The following SFMBT2 variants were observed in gnomAD, a reference collection of about 807,000 sequenced individuals.
SFMBT2 encodes the protein Scm like with four mbt domains 2.
A neutral mutation model predicts 110.1 loss-of-function variants in SFMBT2; 38 were observed. The observed-to-expected ratio is 0.35, with a 90% confidence interval of 0.27 to 0.45. The LOEUF is 0.45. Ranked by LOEUF, SFMBT2 falls within the 20% of genes least tolerant of loss-of-function variation. The pLI is 1.00. For synonymous variants in SFMBT2, 425 were observed against 425.4 expected (o/e 1.00, Z 0.01); for missense variants, 1,011 against 1,094.9 (o/e 0.92, Z 1.08).
At chr10:7,246,742 A>G (rs1389270314) in intron 8 of SFMBT2, among the ~76,000 whole-genome samples, 1 of 130,320 alleles carries the variant, frequency 7.7e-6, no homozygotes, top group African/African-American at 2.7e-5. Context: ...AAAAAAAAAG[A>G]ATGGTGAGAG....
chr10:7,372,776 C>T (rs1012909579), intron 2 of SFMBT2, among the ~76,000 whole-genome samples: 1 of 152,220 alleles, frequency 6.6e-6, no homozygotes, highest in Non-Finnish European at 1.5e-5. Flanking sequence ...TATTGCTCTG[C>T]CCCAACGTCC....
chr10:7,297,851 C>G (rs1842447270), intron 4 of SFMBT2, among the ~76,000 whole-genome samples: 1 of 152,290 alleles, frequency 6.6e-6, no homozygotes, highest in South Asian at 2.1e-4. Flanking sequence ...AATGTGGCCT[C>G]GACACCTGTA....
chr10:7,206,308 G>C (rs1033261151), intron 11 of SFMBT2: 1 of 985,280 alleles, frequency 1.0e-6, no homozygotes, highest in Admixed American at 6.1e-5. Context: ...TGGGGTTAAG[G>C]GAATGTATCG....
chr10:7,350,100 G>A (rs572350769), intron 4 of SFMBT2, among the ~76,000 whole-genome samples: 238 of 152,032 alleles, frequency 1.6e-3, no homozygotes, highest in Middle Eastern at 0.014. Context: ...TCTTCCCATC[G>A]TGTTCGTGGC....
At chr10:7,247,996 G>A (rs777292831) in intron 8 of SFMBT2, among the ~76,000 whole-genome samples, 2 of 152,124 alleles carry the variant, frequency 1.3e-5, no homozygotes, top group South Asian at 2.1e-4. Flanking sequence ...TTATAGATAT[G>A]AGCCACCATG....
At chr10:7,321,647 C>T (rs11255078) in intron 4 of SFMBT2, among the ~76,000 whole-genome samples, 90 of 152,228 alleles carry the variant, frequency 5.9e-4, no homozygotes, top group African/African-American at 2.0e-3. Flanking sequence ...TTCTTTAACA[C>T]GAGAGTTTGT....
At chr10:7,357,403 G>A (rs1382791297) in intron 4 of SFMBT2, among the ~76,000 whole-genome samples, 1 of 152,106 alleles carries the variant, frequency 6.6e-6, no homozygotes, top group Non-Finnish European at 1.5e-5. Context: ...TCAGTCGAAG[G>A]CCCAAATAGA....
At chr10:7,399,384 C>T (rs1257799929) in intron 1 of SFMBT2, among the ~76,000 whole-genome samples, 4 of 152,178 alleles carry the variant, frequency 2.6e-5, no homozygotes, top group African/African-American at 9.7e-5. Flanking sequence ...AGGCGCCCAC[C>T]ACTATGCCCA....
Position 7,193,126 on chromosome 10 carries a change from G to A in SFMBT2, c.1699-4393C>T, listed in dbSNP as rs570558037. ...TTTCTATAGAAGGTTACAGCTCATC[G>A]ATTTCCTTTCTATAAACGTTCCTCT... On this transcript the variant is annotated intron_variant, in intron 15 of 20. Transcript: ENST00000397167. 2.8e-3 allele frequency among the ~76,000 whole-genome samples: 429 copies of A among 152,262 alleles called. 3 individuals are homozygous for A. Among genetic ancestry groups the A allele is most frequent in the South Asian group, 0.021 (101 of 4,818 alleles).
chr10:7,250,150 G>T (rs948108402), intron 7 of SFMBT2, among the ~76,000 whole-genome samples: 3 of 152,032 alleles, frequency 2.0e-5, no homozygotes, highest in Non-Finnish European at 4.4e-5. Context: ...TAGATACAGG[G>T]GTACATACAC....
At chr10:7,338,835 G>A (rs1187531636) in intron 4 of SFMBT2, among the ~76,000 whole-genome samples, 1 of 152,174 alleles carries the variant, frequency 6.6e-6, no homozygotes, top group African/African-American at 2.4e-5. Context: ...CATGCAGTCT[G>A]CACTCTTCCC....
chr10:7,236,890 T>C (rs1333453788), intron 9 of SFMBT2, among the ~76,000 whole-genome samples: 2 of 152,170 alleles, frequency 1.3e-5, no homozygotes, highest in African/African-American at 4.8e-5. Flanking sequence ...GAATTCATGT[T>C]AGAATATATA....
chr10:7,208,753 T>C (rs948275823), intron 11 of SFMBT2, among the ~76,000 whole-genome samples: 3 of 152,116 alleles, frequency 2.0e-5, no homozygotes, highest in Non-Finnish European at 2.9e-5. Flanking sequence ...ACAACTTTCA[T>C]CTTCCAATGT....
chr10:7,372,700 A>G (rs531896182), intron 2 of SFMBT2, among the ~76,000 whole-genome samples: 1 of 152,252 alleles, frequency 6.6e-6, no homozygotes, highest in South Asian at 2.1e-4. Context: ...CTGCCTCCCA[A>G]CGGCACTGGG....
chr10:7,360,440 C>A (rs1250077887), intron 4 of SFMBT2, among the ~76,000 whole-genome samples: 1 of 151,928 alleles, frequency 6.6e-6, no homozygotes, highest in South Asian at 2.1e-4. Flanking sequence ...ACATTCCAGA[C>A]TGGAAGACAG....
chr10:7,315,074 A>AAGAAAGAAAGAG (rs1842965322), intron 4 of SFMBT2, among the ~76,000 whole-genome samples: 3 of 143,872 alleles, frequency 2.1e-5, no homozygotes, highest in Non-Finnish European at 4.6e-5. Flanking sequence ...GAAAGAAAGA[A>AAGAAAGAAAGAG]AGAAAGAAAG....
intron 16 of SFMBT2, among the ~76,000 whole-genome samples, chr10:7,182,211 T>C (rs975905695): frequency 8.5e-5 from 13 of 152,146 alleles, no homozygotes; most frequent in Non-Finnish European, 1.9e-4. Flanking sequence ...CTAATTTTTG[T>C]ATTTTTAGTA....
rs1341813968 is a variant in SFMBT2 at position 7,359,212 on chromosome 10, G to C, written c.436+8437C>G. ...GCTTCCCATACAAGTGAAACCCAAG[G>C]ATCATTCAGGACGTTCAAAGGTCCA... On this transcript the variant is annotated intron_variant, in intron 4 of 20. Transcript: ENST00000397167. Among the ~76,000 whole-genome samples the C allele has an allele frequency of 2.6e-5, 4 of 152,236 alleles. No homozygotes were observed. The East Asian group carries it at 7.7e-4, about 29-fold the overall frequency.
chr10:7,244,069 C>A (rs1332638317), intron 8 of SFMBT2: 2 of 899,098 alleles, frequency 2.2e-6, no homozygotes, highest in African/African-American at 3.6e-5. Context: ...AAAAGTGAAA[C>A]CGTTTCTCAG....
Sources: allele counts gnomAD v4.1 joint callset (sites outside exome capture counted in the v4.1 genomes callset), GRCh38; gene constraint gnomAD v4.1.1; transcripts MANE v1.5; gene names NCBI Gene and HGNC (gene_info 2026-07-23, HGNC 2026-07-21).